Variants in FEM1A observed in about 807,000 individuals in gnomAD.
FEM1A encodes the protein fem-1 homolog A.
FEM1A carries 1 observed loss-of-function variant against 0.7 expected under a neutral mutation model. The ratio of observed to expected loss-of-function variants is 1.35; its 90% confidence interval spans 0.48 to 6.40. The LOEUF (loss-of-function observed/expected upper bound fraction) is 6.40. FEM1A is among the 30% of genes most tolerant of loss of function. FEM1A has a pLI of 0.14. For synonymous variants in FEM1A, 391 were observed against 420.6 expected, an observed-to-expected ratio of 0.93 and a Z score of 0.86; for missense variants, 721 against 918.7, an observed-to-expected ratio of 0.78 and a Z score of 2.78.
chr19:4,795,730 C>A lies in FEM1A; in HGVS notation c.*1866C>A, dbSNP rs990389417. The stretch of plus-strand genomic sequence containing the variant: ...TTTTTTTTTTTTTGAGACAGAGTCT[C>A]ACCCTGTCCCCCAGGCTGGAGTGCA... On this transcript the variant is annotated 3_prime_UTR_variant, in exon 1 of 1. Coordinates refer to ENST00000269856, the MANE Select transcript of FEM1A (RefSeq NM_018708.3). The A allele has an allele frequency of 6.8e-6, 1 of 147,718 alleles. No individual in the cohort carries two copies. Among genetic ancestry groups the A allele is most frequent in the African/African-American group, 2.5e-5 (1 of 39,284 alleles). 9.2% of individuals were successfully genotyped at this position (147,718 alleles called of 1,614,324 possible). A position where few individuals can be genotyped will look rare whatever the true frequency, so the allele number is the denominator to read the frequency against.
chr19:4,793,423 C>T lies in FEM1A; in HGVS notation c.1569C>T (p.Tyr523=), dbSNP rs1464188526. The T allele has an allele frequency of 1.2e-6, 2 of 1,612,226 alleles. No individual in the cohort carries two copies. Among genetic ancestry groups the T allele is most frequent in the Non-Finnish European group, 8.5e-7 (1 of 1,179,860 alleles). Residue 523 remains tyrosine (Y), a synonymous_variant, in exon 1 of 1, where the codon TAC becomes TAT. Coordinates refer to ENST00000269856, the MANE Select transcript of FEM1A (RefSeq NM_018708.3). This position sits in a 1 kb window ranked among gnomAD's most constrained non-coding sequence, Gnocchi z 5.1. ...AGCACCTGAAGCACCAGACCGTCTACCGCCTGCTCAAGTGCGCGCCCAGGG... is the reference window on the plus strand; with the variant it reads ...AGCACCTGAAGCACCAGACCGTCTATCGCCTGCTCAAGTGCGCGCCCAGGG... The part of the protein sequence containing the change: ...SQEHLKHQTV[Y]RLLKCAPRGK...
rs1404436276 is a variant in FEM1A at position 4,798,597 on chromosome 19, A to T, written c.*4733A>T. ...TGCACTCCAGCCTGGGCGACAGAGCACAAGACTCCATCTCAAAAAAAAAAA... is the reference window on the plus strand; with the variant it reads ...TGCACTCCAGCCTGGGCGACAGAGCTCAAGACTCCATCTCAAAAAAAAAAA... On this transcript the variant is annotated 3_prime_UTR_variant, in exon 1 of 1. Coordinates refer to ENST00000269856, the MANE Select transcript of FEM1A (RefSeq NM_018708.3). 1 of 150,634 alleles carries T rather than the reference A, an allele frequency of 6.6e-6. No homozygotes were observed. The highest frequency in any genetic ancestry group is 1.5e-5 in the Non-Finnish European group (1 of 67,816). The allele number at this position is 150,634 out of a possible 1,614,324, so 9.3% of individuals were successfully genotyped here. A position where few individuals can be genotyped will look rare whatever the true frequency, so the allele number is the denominator to read the frequency against.
In FEM1A at chr19:4,793,436, T is replaced by G. The variant is rs771034510; in HGVS notation, c.1582T>G (p.Cys528Gly). The G allele has an allele frequency of 1.2e-6, 2 of 1,612,188 alleles. No homozygotes were observed. Among genetic ancestry groups the G allele is most frequent in the South Asian group, 1.1e-5 (1 of 90,998 alleles). The change falls in exon 1 of 1, where the codon TGC becomes GGC. Residue 528 changes from cysteine to glycine, a missense_variant. By Grantham distance (159) the Cys-to-Gly change is radical. Coordinates refer to ENST00000269856, the MANE Select transcript of FEM1A (RefSeq NM_018708.3). The surrounding 1 kb of genome is among the most constrained non-coding windows in gnomAD (Gnocchi z 5.1). The part of the protein sequence containing the change: ...KHQTVYRLLK[C>G]APRGKNGFTP... ...CCAGACCGTCTACCGCCTGCTCAAG[T>G]GCGCGCCCAGGGGCAAGAACGGCTT...
In FEM1A at chr19:4,792,970, G is replaced by A. The variant is rs752915975; in HGVS notation, c.1116G>A (p.Met372Ile). Residue 372 changes from methionine (M) to isoleucine (I), a missense_variant, in exon 1 of 1, where the codon ATG (methionine) becomes ATA (isoleucine). By Grantham distance (10) the Met-to-Ile change is conservative (BLOSUM62 1). This residue lies in a region of FEM1A where 379 missense variants were observed against 454.8 expected (regional missense o/e 0.83). Transcript: ENST00000269856. The surrounding 1 kb of genome is among the most constrained non-coding windows in gnomAD (Gnocchi z 6.7). ...TCACCGACCCGGATGAGATGCGCAT[G>A]CAGGCCCTGTTGATCCGGGAGCGCA... is the stretch of plus-strand genomic sequence containing the variant. ...ALITDPDEMR[M>I]QALLIRERIL... is the part of the protein sequence containing the mutation. 3 of 1,612,778 alleles carry A rather than the reference G, an allele frequency of 1.9e-6. No individual in the cohort carries two copies. The highest frequency in any genetic ancestry group is 2.7e-5 in the African/African-American group (2 of 74,850).
At position 4,793,385 on chromosome 19, in the gene FEM1A, A is replaced by T; in HGVS notation, c.1531A>T (p.Thr511Ser). The T allele has an allele frequency of 6.2e-7, 1 of 1,611,758 alleles. No homozygotes were observed. The highest frequency in any genetic ancestry group is 2.2e-5 in the East Asian group (1 of 44,850). ...CTACCTGCTGGAGAAAGTGGAGTGC[A>T]CCCCCAGCCAGGAGCACCTGAAGCA... ...LLYLLEKVEC[T>S]PSQEHLKHQT... Residue 511 changes from threonine to serine, a missense_variant, in exon 1 of 1, where the codon ACC (threonine) becomes TCC (serine). Transcript: ENST00000269856. The surrounding 1 kb of genome is among the most constrained non-coding windows in gnomAD (Gnocchi z 5.1).
In FEM1A at chr19:4,792,887, G is replaced by A. The variant is rs1261958575; in HGVS notation, c.1033G>A (p.Val345Ile). The A allele has an allele frequency of 6.2e-7, 1 of 1,612,380 alleles. No individual in the cohort carries two copies. The highest frequency in any genetic ancestry group is 8.5e-7 in the Non-Finnish European group (1 of 1,180,014). ...YLPKPEPPQLVLAYDYSREVN... is the reference protein window; with the variant it reads ...YLPKPEPPQLILAYDYSREVN... ...GCCCAAACCGGAGCCCCCACAGCTG[G>A]TCCTGGCCTATGACTATTCCAGGGA... Residue 345 changes from valine to isoleucine, a missense_variant, in exon 1 of 1, where the codon GTC becomes ATC. Coordinates refer to ENST00000269856, the MANE Select transcript of FEM1A (RefSeq NM_018708.3). The surrounding 1 kb of genome is among the most constrained non-coding windows in gnomAD (Gnocchi z 6.7).
rs376430247 is a variant in FEM1A, at chr19:4,792,747, T to A, written c.893T>A (p.Val298Glu). ...TGTCCCACCAGCCGGGAAGCTGCCG[T>A]GGAAGCCTTGGAATTGCTGGGAGCT... is the stretch of plus-strand genomic sequence containing the variant. ...SCCPTSREAA[V>E]EALELLGATY... is the part of the protein sequence containing the mutation. The change falls in exon 1 of 1, where the codon GTG (valine) becomes GAG (glutamate). Residue 298 changes from valine (V) to glutamate (E), a missense_variant. By Grantham distance (121) the Val-to-Glu change is moderately radical. This residue lies in a region of FEM1A where 137 missense variants were observed against 121.7 expected (regional missense o/e 1.13). Transcript: ENST00000269856. The surrounding 1 kb of genome is among the most constrained non-coding windows in gnomAD (Gnocchi z 6.7). The A allele has an allele frequency of 1.5e-5, 24 of 1,611,914 alleles. No individual in the cohort carries two copies. Among genetic ancestry groups the A allele is most frequent in the Non-Finnish European group, 1.9e-5 (23 of 1,179,882 alleles).
At position 4,798,051 on chromosome 19, in the gene FEM1A, G is replaced by C. The variant is rs4411622; in HGVS notation, c.*4187G>C. 1 of 143,660 alleles carries C rather than the reference G, an allele frequency of 7.0e-6. No individual in the cohort carries two copies. The highest frequency in any genetic ancestry group is 2.6e-5 in the African/African-American group (1 of 38,904). 8.9% of individuals were successfully genotyped at this position (143,660 alleles called of 1,614,324 possible). On this transcript the variant is annotated 3_prime_UTR_variant, in exon 1 of 1. Transcript: ENST00000269856. ...AGATCGAGACCATCCTGGCTAACAC[G>C]GTGAAACCCCGTCTCTACTAAAAAT... is the stretch of plus-strand genomic sequence containing the variant.
In FEM1A at chr19:4,796,575, G is replaced by A. The variant is rs899057968; in HGVS notation, c.*2711G>A. ...TAAAATTCTGGTTTTCTCCATATCA[G>A]AACAGTCAAACCCCCACCAGAAAGC... On this transcript the variant is annotated 3_prime_UTR_variant, in exon 1 of 1. Coordinates refer to ENST00000269856, the MANE Select transcript of FEM1A (RefSeq NM_018708.3). 1.3e-5 allele frequency: 2 copies of A among 152,122 alleles called. No individual in the cohort carries two copies. The highest frequency in any genetic ancestry group is 4.1e-4 in the South Asian group (2 of 4,824). The allele number at this position is 152,122 out of a possible 1,614,324, so 9.4% of individuals were successfully genotyped here. A position where few individuals can be genotyped will look rare whatever the true frequency, so the allele number is the denominator to read the frequency against.
chr19:4,793,243 C>A lies in FEM1A; in HGVS notation c.1389C>A (p.Asp463Glu). 5 of 1,613,456 alleles carry A rather than the reference C, an allele frequency of 3.1e-6. No homozygotes were observed. Among genetic ancestry groups the A allele is most frequent in the Non-Finnish European group, 4.2e-6 (5 of 1,180,024 alleles). ...GSLGTQIGFA[D>E]LMGVLTKGVR... ...TGGGCACCCAGATCGGCTTTGCAGACCTCATGGGGGTTCTCACCAAAGGGG... is the reference window on the plus strand; with the variant it reads ...TGGGCACCCAGATCGGCTTTGCAGAACTCATGGGGGTTCTCACCAAAGGGG... The change falls in exon 1 of 1, where the codon GAC becomes GAA. Residue 463 changes from aspartate to glutamate, a missense_variant. Around this residue, in one of 4 missense-constraint regions of FEM1A, gnomAD observed 379 missense variants for 454.8 expected, o/e 0.83. Coordinates refer to ENST00000269856, the MANE Select transcript of FEM1A (RefSeq NM_018708.3). This position sits in a 1 kb window ranked among gnomAD's most constrained non-coding sequence, Gnocchi z 5.1.
In FEM1A at chr19:4,793,514, C is replaced by G. The variant is rs1308229701; in HGVS notation, c.1660C>G (p.Pro554Ala). ...DKDTTNVGRY[P>A]VGRFPSLHVV... ...GGACACCACAAACGTGGGCCGCTAT[C>G]CCGTGGGCAGATTCCCCTCCCTGCA... is the stretch of plus-strand genomic sequence containing the variant. Residue 554 changes from proline (P) to alanine (A), a missense_variant, in exon 1 of 1, where the codon CCC becomes GCC. Pro to Ala is a conservative substitution (Grantham distance 27). Transcript: ENST00000269856. The surrounding 1 kb of genome is among the most constrained non-coding windows in gnomAD (Gnocchi z 5.1). 1 of 1,613,100 alleles carries G rather than the reference C, an allele frequency of 6.2e-7. No homozygotes were observed. The highest frequency in any genetic ancestry group is 2.2e-5 in the East Asian group (1 of 44,890).
Position 4,793,341 on chromosome 19 carries a change from C to G in FEM1A, c.1487C>G (p.Ala496Gly), listed in dbSNP as rs755410340. The G allele has an allele frequency of 5.6e-6, 9 of 1,612,508 alleles. No individual in the cohort carries two copies. In the Admixed American group the frequency reaches 1.5e-4, roughly 27 times the overall value. The change falls in exon 1 of 1, where the codon GCC becomes GGC. Residue 496 changes from alanine to glycine, a missense_variant. Physicochemically the swap from Ala to Gly is moderately conservative, Grantham distance 60 (BLOSUM62 0). Coordinates refer to ENST00000269856, the MANE Select transcript of FEM1A (RefSeq NM_018708.3). This position sits in a 1 kb window ranked among gnomAD's most constrained non-coding sequence, Gnocchi z 5.1. ...GDSAQFTKAL[A>G]IILHLLYLLE... ...TCAGCCCAGTTCACCAAGGCGCTGG[C>G]CATCATCCTCCACCTGCTCTACCTG...
chr19:4,797,790 AATT>A lies in FEM1A; in HGVS notation c.*3928_*3930del, dbSNP rs1336751151. On this transcript the variant is annotated 3_prime_UTR_variant, in exon 1 of 1. Coordinates refer to ENST00000269856, the MANE Select transcript of FEM1A (RefSeq NM_018708.3). ...CTCTACAAAAAAAAAAAAAAAAAAA[AATT>A]AGCCATGTGTAGTGATATGTAGTCC... 1,735 of 101,378 alleles carry A rather than the reference AATT, an allele frequency of 0.017. 56 individuals are homozygous for A. Among genetic ancestry groups the A allele is most frequent in the African/African-American group, 0.062 (1,626 of 26,076 alleles). 6.3% of individuals were successfully genotyped at this position (101,378 alleles called of 1,614,324 possible).
rs1158227527 is a variant in FEM1A at position 4,798,933 on chromosome 19, T to C, written c.*5069T>C. On this transcript the variant is annotated 3_prime_UTR_variant, in exon 1 of 1. Transcript: ENST00000269856. ...TGCTTTGAAAGCTCAGACCTGGGGATTGTAACTTTAGCCTCATACCTTCTA... is the reference window on the plus strand; with the variant it reads ...TGCTTTGAAAGCTCAGACCTGGGGACTGTAACTTTAGCCTCATACCTTCTA... 6.6e-6 allele frequency: 1 copy of C among 152,174 alleles called. No individual in the cohort carries two copies. Among genetic ancestry groups the C allele is most frequent in the African/African-American group, 2.4e-5 (1 of 41,434 alleles). 9.4% of individuals were successfully genotyped at this position (152,174 alleles called of 1,614,324 possible). A position where few individuals can be genotyped will look rare whatever the true frequency, so the allele number is the denominator to read the frequency against.
chr19:4,799,096 G>C lies in FEM1A; in HGVS notation c.*5232G>C, dbSNP rs1383390795. The stretch of plus-strand genomic sequence containing the variant: ...TCCCAAGGTGATGACCAGGAGAAAA[G>C]AGAGCGTCTTCCTCCCAGTCACATC... On this transcript the variant is annotated 3_prime_UTR_variant, in exon 1 of 1. Coordinates refer to ENST00000269856, the MANE Select transcript of FEM1A (RefSeq NM_018708.3). 1 of 152,252 alleles carries C rather than the reference G, an allele frequency of 6.6e-6. No individual in the cohort carries two copies. The highest frequency in any genetic ancestry group is 1.5e-5 in the Non-Finnish European group (1 of 68,114). 9.4% of individuals were successfully genotyped at this position (152,252 alleles called of 1,614,324 possible).
rs1035554982 is a variant in FEM1A, at chr19:4,798,942, T to C, written c.*5078T>C. ...AGCTCAGACCTGGGGATTGTAACTTTAGCCTCATACCTTCTAATGAAGGCC... is the reference window on the plus strand; with the variant it reads ...AGCTCAGACCTGGGGATTGTAACTTCAGCCTCATACCTTCTAATGAAGGCC... On this transcript the variant is annotated 3_prime_UTR_variant, in exon 1 of 1. Coordinates refer to ENST00000269856, the MANE Select transcript of FEM1A (RefSeq NM_018708.3). 1 of 152,342 alleles carries C rather than the reference T, an allele frequency of 6.6e-6. No homozygotes were observed. The highest frequency in any genetic ancestry group is 6.5e-5 in the Admixed American group (1 of 15,294). The allele number at this position is 152,342 out of a possible 1,614,324, so 9.4% of individuals were successfully genotyped here.
rs938685696 is a variant in FEM1A, at chr19:4,801,055, G to T, written c.*7191G>T. On this transcript the variant is annotated 3_prime_UTR_variant, in exon 1 of 1. Transcript: ENST00000269856. Reference sequence around the variant, plus strand: ...CCAGATCCTGTTTCCCCAGTGGGTTGTACAAGACACCTTGAACTTCTGCAT... The same window carrying T: ...CCAGATCCTGTTTCCCCAGTGGGTTTTACAAGACACCTTGAACTTCTGCAT... 2 of 152,184 alleles carry T rather than the reference G, an allele frequency of 1.3e-5. No homozygotes were observed. Among genetic ancestry groups the T allele is most frequent in the Non-Finnish European group, 2.9e-5 (2 of 68,054 alleles). 9.4% of individuals were successfully genotyped at this position (152,184 alleles called of 1,614,324 possible).
rs748650058 is a variant in FEM1A, at chr19:4,792,492, G to A, written c.638G>A (p.Gly213Asp). The change falls in exon 1 of 1, where the codon GGC becomes GAC. Residue 213 changes from glycine to aspartate, a missense_variant. Gly to Asp is a moderately conservative substitution (Grantham distance 94). Transcript: ENST00000269856. The surrounding 1 kb of genome is among the most constrained non-coding windows in gnomAD (Gnocchi z 6.7). ...LGCKARMERD[G>D]YGMTPLLAAS... ...TGCAAGGCCCGCATGGAACGTGACG[G>A]CTACGGCATGACCCCGCTGCTCGCG... 1.3e-6 allele frequency: 2 copies of A among 1,597,838 alleles called. No homozygotes were observed. Among genetic ancestry groups the A allele is most frequent in the South Asian group, 2.2e-5 (2 of 90,994 alleles).
Position 4,797,826 on chromosome 19 carries a change from T to A in FEM1A, c.*3962T>A, listed in dbSNP as rs891938212. The A allele has an allele frequency of 2.0e-5, 3 of 150,036 alleles. No homozygotes were observed. The highest frequency in any genetic ancestry group is 7.4e-5 in the African/African-American group (3 of 40,662). The allele number at this position is 150,036 out of a possible 1,614,324, so 9.3% of individuals were successfully genotyped here. A position where few individuals can be genotyped will look rare whatever the true frequency, so the allele number is the denominator to read the frequency against. On this transcript the variant is annotated 3_prime_UTR_variant, in exon 1 of 1. Coordinates refer to ENST00000269856, the MANE Select transcript of FEM1A (RefSeq NM_018708.3). The stretch of plus-strand genomic sequence containing the variant: ...TGTAGTGATATGTAGTCCCAGCTGC[T>A]ACTGGGGAGGCTGAAGCAGGAGGAT...
Sources: allele counts gnomAD v4.1 joint callset, GRCh38; gene constraint gnomAD v4.1.1; regional missense constraint gnomAD v4.1.1; non-coding constraint Gnocchi (gnomAD v3.1); transcripts MANE v1.5; gene names NCBI Gene and HGNC (gene_info 2026-07-23, HGNC 2026-07-21).